The following AFG1L variants were observed in gnomAD, a reference collection of about 807,000 sequenced individuals.
The protein encoded by AFG1L is AFG1-like ATPase.
AFG1L carries 53 observed loss-of-function variants against 62.2 expected under a neutral mutation model. The ratio of observed to expected loss-of-function variants is 0.85; its 90% confidence interval spans 0.68 to 1.07. The LOEUF (loss-of-function observed/expected upper bound fraction) is 1.07. Among genes scored for constraint, AFG1L ranks in the 50% least tolerant of loss-of-function variants. The probability of loss-of-function intolerance (pLI) is 0.00; values close to 1 mark genes in which losing one functional copy is unlikely to be tolerated. For synonymous variants in AFG1L, 228 were observed against 210.3 expected (o/e 1.08, Z -0.73); for missense variants, 555 against 590.5 (o/e 0.94, Z 0.62).
chr6:108,394,581 T>A (rs1014107389), intron 6 of AFG1L, among the ~76,000 whole-genome samples: 2 of 152,242 alleles, frequency 1.3e-5, no homozygotes, highest in Non-Finnish European at 2.9e-5. Context: ...TAGTATGTAC[T>A]CATTTTTTTG....
intron 11 of AFG1L, among the ~76,000 whole-genome samples, chr6:108,517,305 A>G (rs1483529885): frequency 6.6e-6 from 1 of 152,200 alleles, no homozygotes; most frequent in Non-Finnish European, 1.5e-5. Context: ...CAAAACAGAG[A>G]TATAGACCAA....
intron 1 of AFG1L, among the ~76,000 whole-genome samples, chr6:108,310,264 C>G (rs190149745): frequency 6.6e-6 from 1 of 152,222 alleles, no homozygotes; most frequent in South Asian, 2.1e-4. Flanking sequence ...TTCTCTGCAT[C>G]TTCTCTAACA....
chr6:108,380,763 A>G (rs1270392343), intron 6 of AFG1L, among the ~76,000 whole-genome samples: 11 of 152,234 alleles, frequency 7.2e-5, no homozygotes, highest in South Asian at 2.1e-4. Context: ...AGTGTCTCCA[A>G]TCCTCTCCTC....
At chr6:108,366,840 T>A (rs1299309907) in intron 6 of AFG1L, among the ~76,000 whole-genome samples, 1 of 152,204 alleles carries the variant, frequency 6.6e-6, no homozygotes, top group African/African-American at 2.4e-5. Flanking sequence ...ACAACAACTT[T>A]AAAATCTTGC....
intron 8 of AFG1L, among the ~76,000 whole-genome samples, chr6:108,476,177 A>C (rs1773097827): frequency 1.3e-5 from 2 of 152,176 alleles, no homozygotes; most frequent in African/African-American, 4.8e-5. Context: ...GAGTTCCCTA[A>C]ACCATATGGT....
chr6:108,454,312 C>T (rs1195563181), intron 8 of AFG1L, among the ~76,000 whole-genome samples: 1 of 152,216 alleles, frequency 6.6e-6, no homozygotes, highest in African/African-American at 2.4e-5. Flanking sequence ...AATGTATCCA[C>T]ATGGAGACAC....
chr6:108,391,226 T>C (rs1176605926), intron 6 of AFG1L, among the ~76,000 whole-genome samples: 1 of 152,226 alleles, frequency 6.6e-6, no homozygotes, highest in Non-Finnish European at 1.5e-5. Context: ...TTAGTGGTTG[T>C]ACTAGTTTAC....
rs985506432 is a variant in AFG1L at position 108,524,660 on chromosome 6, G to A, written c.*2235G>A. On this transcript the variant is annotated 3_prime_UTR_variant, in exon 13 of 13. Transcript: ENST00000368977. The stretch of plus-strand genomic sequence containing the variant: ...CCCCAATCCGCAATCTCCTTCCCCA[G>A]TTCCAGGGGCCTGCTGGGATTGGCT... The A allele has an allele frequency of 1.3e-5, 2 of 152,238 alleles. No individual in the cohort carries two copies. Among genetic ancestry groups the A allele is most frequent in the Non-Finnish European group, 2.9e-5 (2 of 68,060 alleles). 9.4% of individuals were successfully genotyped at this position (152,238 alleles called of 1,614,324 possible). A position where few individuals can be genotyped will look rare whatever the true frequency, so the allele number is the denominator to read the frequency against.
intron 6 of AFG1L, among the ~76,000 whole-genome samples, chr6:108,382,477 TACAC>T (rs1024779330): frequency 6.6e-6 from 1 of 152,166 alleles, no homozygotes; most frequent in African/African-American, 2.4e-5. Context: ...GGTATGCACG[TACAC>T]ACACATACTA....
chr6:108,325,438 C>CTT (rs60856309), intron 2 of AFG1L, among the ~76,000 whole-genome samples: 5,701 of 144,006 alleles, frequency 0.04, 145 homozygotes, highest in Non-Finnish European at 0.058. Context: ...GCTGTTTTGC[C>CTT]TTTTTTTTTT....
intron 3 of AFG1L, among the ~76,000 whole-genome samples, chr6:108,350,934 C>T (rs1360958895): frequency 6.6e-6 from 1 of 152,190 alleles, no homozygotes; most frequent in Non-Finnish European, 1.5e-5. Flanking sequence ...CACACCTAGG[C>T]TGTATTATAG....
intron 7 of AFG1L, among the ~76,000 whole-genome samples, chr6:108,421,239 A>G (rs1770575047): frequency 6.6e-6 from 1 of 152,170 alleles, no homozygotes; most frequent in Non-Finnish European, 1.5e-5. Context: ...AGAGGTCCTC[A>G]TATTGAACGC....
intron 1 of AFG1L, among the ~76,000 whole-genome samples, chr6:108,320,251 C>T (rs747393895): frequency 2.6e-5 from 4 of 152,118 alleles, no homozygotes; most frequent in East Asian, 1.9e-4. Context: ...GGAGGCTATA[C>T]ATTGATTTGA....
intron 6 of AFG1L, among the ~76,000 whole-genome samples, chr6:108,395,082 C>T (rs1259696049): frequency 6.6e-6 from 1 of 152,112 alleles, no homozygotes; most frequent in Non-Finnish European, 1.5e-5. Context: ...CCTTTTATGA[C>T]ATTCCTAAAT....
intron 5 of AFG1L, among the ~76,000 whole-genome samples, chr6:108,365,144 G>A (rs1650960140): frequency 6.6e-6 from 1 of 152,074 alleles, no homozygotes. Context: ...TTTGAAATGT[G>A]CTATCAAAGA....
chr6:108,468,540 GC>G (rs1772759922), intron 8 of AFG1L, among the ~76,000 whole-genome samples: 1 of 152,076 alleles, frequency 6.6e-6, no homozygotes. Flanking sequence ...TTGGAATGGA[GC>G]TTTTTTCCAT....
chr6:108,361,449 A>G (rs1303729581), intron 5 of AFG1L, among the ~76,000 whole-genome samples: 1 of 152,110 alleles, frequency 6.6e-6, no homozygotes. Flanking sequence ...AGTCAGGCAG[A>G]GAGAGAGAGT....
At chr6:108,516,335 G>A (rs1774891171) in intron 11 of AFG1L, among the ~76,000 whole-genome samples, 1 of 152,184 alleles carries the variant, frequency 6.6e-6, no homozygotes. Flanking sequence ...TGGGATGCAA[G>A]GCTGGTTCAA....
At chr6:108,497,629 T>G (rs1582667006) in intron 10 of AFG1L, among the ~76,000 whole-genome samples, 1 of 152,242 alleles carries the variant, frequency 6.6e-6, no homozygotes, top group Middle Eastern at 3.4e-3. Flanking sequence ...TCATAAGTTT[T>G]ATTTCTGGAA....
Sources: allele counts gnomAD v4.1 joint callset (sites outside exome capture counted in the v4.1 genomes callset), GRCh38; gene constraint gnomAD v4.1.1; transcripts MANE v1.5; gene names NCBI Gene and HGNC (gene_info 2026-07-23, HGNC 2026-07-21).